SGTA: variants seen among roughly 807,000 people sequenced by gnomAD.
The protein encoded by SGTA is small glutamine rich tetratricopeptide repeat co-chaperone alpha, also known as small glutamine-rich tetratricopeptide repeat-containing protein alpha.
In SGTA, 22 loss-of-function variants were observed where a neutral mutation model predicts 44.3. The observed-to-expected ratio is 0.50, with a 90% CI of 0.36 to 0.71. The LOEUF is 0.71. Among genes scored for constraint, SGTA ranks in the 30% least tolerant of loss-of-function variants. The probability of loss-of-function intolerance (pLI) is 0.00; values close to 1 mark genes in which losing one functional copy is unlikely to be tolerated. For synonymous variants in SGTA, 174 were observed against 177.6 expected, an observed-to-expected ratio of 0.98 and a Z score of 0.16; for missense variants, 341 against 435.9, an observed-to-expected ratio of 0.78 and a Z score of 1.94.
intron 9 of SGTA, 148 bp downstream of exon 9, chr19:2,759,109 A>ACAGTTGCATGACAGTGTGATG (rs1914911826): frequency 1.5e-5 from 10 of 649,794 alleles, no homozygotes; most frequent in South Asian, 6.3e-5. Flanking sequence ...ACAGTGTGAT[A>ACAGTTGCATGACAGTGTGATG]GTGGTGACAG....
In SGTA at chr19:2,755,476, G is replaced by T. The variant is rs1914794700; in HGVS notation, c.*464C>A. On this transcript the variant is annotated 3_prime_UTR_variant, in exon 12 of 12. Transcript: ENST00000221566. The surrounding 1 kb of genome is among the most constrained non-coding windows in gnomAD (Gnocchi z 5.2). The stretch of plus-strand genomic sequence containing the variant: ...TCCGAGCAGGCACAGGGCCGGGGTG[G>T]CCGGGAGGTCGACTCGGAAAGAGGC... 2 of 987,496 alleles carry T rather than the reference G, an allele frequency of 2.0e-6. No individual in the cohort carries two copies. Among genetic ancestry groups the T allele is most frequent in the South Asian group, 4.7e-5 (1 of 21,368 alleles). 61.2% of individuals were successfully genotyped at this position (987,496 alleles called of 1,614,324 possible).
intron 7 of SGTA, among the ~76,000 whole-genome samples, chr19:2,762,047 C>T (rs1329380610): frequency 6.6e-6 from 1 of 152,146 alleles, no homozygotes; most frequent in Non-Finnish European, 1.5e-5. Flanking sequence ...CAGAAACGCA[C>T]CTTTGAAATA....
At chr19:2,774,874 G>A (rs1172467060) in intron 1 of SGTA, among the ~76,000 whole-genome samples, 2 of 152,162 alleles carry the variant, frequency 1.3e-5, no homozygotes, top group African/African-American at 2.4e-5. Context: ...GTGTGTGTGC[G>A]TGCATGTCTC....
At chr19:2,769,144 G>T in intron 1 of SGTA, 53 bp from the exon 2 acceptor site, 2 of 1,116,880 alleles carry the variant, frequency 1.8e-6, no homozygotes, top group Admixed American at 3.6e-5. Context: ...CCCACTCCAG[G>T]CACCCCAGGC....
chr19:2,769,002 C>T lies in SGTA; in HGVS notation c.67G>A (p.Gly23Ser). ...QFLHDQLRHG[G>S]LSSDAQESLE... is the part of the protein sequence containing the mutation. Reference sequence around the variant, plus strand: ...CTCTCCTGAGCATCGGACGAGAGGCCCCCGTGCCGGAGCTGGTCATGCAGG... The same window carrying T: ...CTCTCCTGAGCATCGGACGAGAGGCTCCCGTGCCGGAGCTGGTCATGCAGG... Residue 23 changes from glycine (G) to serine (S), a missense_variant, in exon 2 of 12, where the codon GGC becomes AGC. Transcript: ENST00000221566. 2 of 1,613,914 alleles carry T rather than the reference C, an allele frequency of 1.2e-6. No individual in the cohort carries two copies. The highest frequency in any genetic ancestry group is 1.7e-6 in the Non-Finnish European group (2 of 1,179,914).
chr19:2,774,371 G>A (rs1340279352), intron 1 of SGTA, among the ~76,000 whole-genome samples: 3 of 152,196 alleles, frequency 2.0e-5, no homozygotes, highest in East Asian at 3.8e-4. Flanking sequence ...CGAGGGACAC[G>A]GAGGGAGGGA....
chr19:2,756,651 C>T lies in SGTA; in HGVS notation c.*6+686G>A, dbSNP rs558399206. Among the ~76,000 whole-genome samples, 6 of 152,094 alleles carry T rather than the reference C, an allele frequency of 3.9e-5. No homozygotes were observed. The South Asian group carries it at 6.2e-4, about 16-fold the overall frequency. ...CCGGAGCCTCCCGCCCCCAGGGAGC[C>T]GGCGTCTGCTGGAGACAGACAGGAC... is the stretch of plus-strand genomic sequence containing the variant. On this transcript the variant is annotated intron_variant, in intron 11 of 11. Transcript: ENST00000221566.
In SGTA at chr19:2,757,338, C is replaced by A. The variant is rs1263382927; in HGVS notation, c.*5G>T. 1 of 1,600,822 alleles carries A rather than the reference C, an allele frequency of 6.2e-7. No individual in the cohort carries two copies. Among genetic ancestry groups the A allele is most frequent in the Non-Finnish European group, 8.5e-7 (1 of 1,179,650 alleles). ...CAGCCCCCGGCCCCATGCACTCACG[C>A]AGCGTCACTCCTGCTGGTCGTCGTT... On this transcript the variant is annotated splice_region_variant and 3_prime_UTR_variant, in exon 11 of 12. Coordinates refer to ENST00000221566, the MANE Select transcript of SGTA (RefSeq NM_003021.4).
chr19:2,759,427 C>T (rs1431547166), intron 8 of SGTA, 133 bp from the exon 9 acceptor site: 17 of 795,276 alleles, frequency 2.1e-5, no homozygotes, highest in Non-Finnish European at 3.2e-5. Context: ...GCCGGGCATT[C>T]GGTCTTTCAT....
chr19:2,762,443 A>T, intron 7 of SGTA, 63 bp downstream of exon 7: 1 of 1,580,226 alleles, frequency 6.3e-7, no homozygotes, highest in Non-Finnish European at 8.7e-7. Context: ...GCGCCCGAGG[A>T]CCTGTCCCCC....
rs34899623 is a variant in SGTA at position 2,778,497 on chromosome 19, G to GCC, written c.-24+4734_-24+4735dup. 9.5e-3 allele frequency among the ~76,000 whole-genome samples: 1,428 copies of GCC among 149,540 alleles called. 14 individuals carry two copies. Among genetic ancestry groups the GCC allele is most frequent in the African/African-American group, 0.031 (1,245 of 40,450 alleles). ...GTGCTGCTTTCCCTCCTGGAACACC[G>GCC]CCCCCCCCGGCCCCCGCCGCCACAT... On this transcript the variant is annotated intron_variant, in intron 1 of 11. Transcript: ENST00000221566.
Position 2,762,712 on chromosome 19 carries a change from C to A in SGTA, c.498-68G>T, listed in dbSNP as rs996199427. On this transcript the variant is annotated intron_variant, in intron 6 of 11. Transcript: ENST00000221566. ...CTCCAGGAGGCCCCGCCAAAGCCCT[C>A]GTCCCCGGCGGTCCTGGCAACCCCC... 6 of 1,585,622 alleles carry A rather than the reference C, an allele frequency of 3.8e-6. No homozygotes were observed. The Middle Eastern group carries it at 5.7e-4, about 149-fold the overall frequency.
rs768307732 is a variant in SGTA, at chr19:2,767,100, G to A, written c.292+36C>T. Reference sequence around the variant, plus strand: ...TCCCACAGCCCCGGAGTCCAGGTAGGGCGAGGTGTCTGTGGGGATGGAGGT... The same window carrying A: ...TCCCACAGCCCCGGAGTCCAGGTAGAGCGAGGTGTCTGTGGGGATGGAGGT... On this transcript the variant is annotated intron_variant, in intron 4 of 11. Coordinates refer to ENST00000221566, the MANE Select transcript of SGTA (RefSeq NM_003021.4). This position sits in a 1 kb window ranked among gnomAD's most constrained non-coding sequence, Gnocchi z 7.3. 1.7e-5 allele frequency: 26 copies of A among 1,501,174 alleles called. No homozygotes were observed. The highest frequency in any genetic ancestry group is 2.8e-5 in the African/African-American group (2 of 72,714). The allele number at this position is 1,501,174 out of a possible 1,614,324, so 93.0% of individuals were successfully genotyped here.
rs1182919970 is a variant in SGTA at position 2,761,412 on chromosome 19, G to C, written c.699+48C>G. On this transcript the variant is annotated intron_variant, in intron 8 of 11. Transcript: ENST00000221566. This position sits in a 1 kb window ranked among gnomAD's most constrained non-coding sequence, Gnocchi z 5.7. ...TAGCGGACACAGCAGATGCGGGCCT[G>C]GGGGGTGGCGCAGACACCATGGACA... 1.2e-5 allele frequency: 18 copies of C among 1,468,330 alleles called. No homozygotes were observed. The highest frequency in any genetic ancestry group is 1.7e-5 in the Non-Finnish European group (18 of 1,072,648). 91.0% of individuals were successfully genotyped at this position (1,468,330 alleles called of 1,614,324 possible).
chr19:2,775,353 T>A (rs1025699203), intron 1 of SGTA, among the ~76,000 whole-genome samples: 1 of 152,126 alleles, frequency 6.6e-6, no homozygotes, highest in Non-Finnish European at 1.5e-5. Context: ...CCTGACCGCA[T>A]AACCCACCCC....
chr19:2,762,389 C>G, intron 7 of SGTA, 117 bp downstream of exon 7: 2 of 1,038,112 alleles, frequency 1.9e-6, no homozygotes, highest in Non-Finnish European at 2.9e-6. Context: ...CTGAAACAAA[C>G]CCCGGACCCT....
intron 1 of SGTA, among the ~76,000 whole-genome samples, chr19:2,779,611 G>A (rs933269721): frequency 1.7e-4 from 26 of 152,240 alleles, no homozygotes; most frequent in African/African-American, 5.1e-4. Context: ...AGCCATGGCC[G>A]AGGCCTGGTT....
chr19:2,780,098 CAA>C (rs1429161205), intron 1 of SGTA, among the ~76,000 whole-genome samples: 2 of 151,990 alleles, frequency 1.3e-5, no homozygotes, highest in Admixed American at 1.3e-4. Context: ...TAAAAACAAA[CAA>C]AAAACTCACA....
At chr19:2,760,516 T>C (rs1599497233) in intron 8 of SGTA, among the ~76,000 whole-genome samples, 1 of 54,518 alleles carries the variant, frequency 1.8e-5, no homozygotes, top group African/African-American at 1.5e-4. Context: ...AGACTCCATC[T>C]CAAAAAAAAA....
Sources: gnomAD v4.1 joint callset for allele counts (sites outside exome capture counted in the v4.1 genomes callset) on GRCh38, gnomAD v4.1.1 for gene constraint, Gnocchi (gnomAD v3.1) non-coding constraint, MANE v1.5 for transcripts, NCBI Gene and HGNC (gene_info 2026-07-23, HGNC 2026-07-21) for gene names.